DIS3L2: variants seen among roughly 807,000 people sequenced by gnomAD.
DIS3L2 encodes the protein DIS3-like exonuclease 2.
In DIS3L2, 34 loss-of-function variants were observed where a neutral mutation model predicts 97.5. That is an observed-to-expected ratio of 0.35 (90% CI 0.27 to 0.46). DIS3L2 has a LOEUF of 0.46. Ranked by LOEUF, DIS3L2 falls within the 20% of genes least tolerant of loss-of-function variation. The pLI is 1.00. For synonymous variants in DIS3L2, 435 were observed against 445.2 expected (o/e 0.98, Z 0.29); for missense variants, 1,038 against 1,146.0 (o/e 0.91, Z 1.36).
At chr2:232,157,694 G>A (rs998620814) in intron 8 of DIS3L2, among the ~76,000 whole-genome samples, 2 of 152,144 alleles carry the variant, frequency 1.3e-5, no homozygotes, top group South Asian at 4.1e-4. Flanking sequence ...TGAAGTAGTT[G>A]GGGGTCCTCC....
intron 11 of DIS3L2, among the ~76,000 whole-genome samples, chr2:232,239,373 C>T (rs1321836386): frequency 6.6e-6 from 1 of 152,198 alleles, no homozygotes; most frequent in East Asian, 1.9e-4. Context: ...CTGCAGTAGG[C>T]CTCAGAGAAA....
intron 3 of DIS3L2, among the ~76,000 whole-genome samples, chr2:232,016,957 CACCTTTCTTT>C (rs997060169): frequency 1.5e-5 from 2 of 132,358 alleles, no homozygotes; most frequent in Non-Finnish European, 3.1e-5. Flanking sequence ...TTCCTTCCTT[CACCTTTCTTT>C]ACCTTTCTGT....
Position 232,005,527 on chromosome 2 carries a change from G to T in DIS3L2, c.-93-9308G>T, listed in dbSNP as rs572006843. 2.8e-3 allele frequency among the ~76,000 whole-genome samples: 423 copies of T among 152,228 alleles called. 1 individual carries two copies. The highest frequency in any genetic ancestry group is 4.6e-3 in the Non-Finnish European group (313 of 68,016). On this transcript the variant is annotated intron_variant, in intron 1 of 20. Transcript: ENST00000325385. ...CCTGCATTGCACCAACCCTGTGATGGTGGCCTGCCCTTGGGACAAAACTTC... is the reference window on the plus strand; with the variant it reads ...CCTGCATTGCACCAACCCTGTGATGTTGGCCTGCCCTTGGGACAAAACTTC...
chr2:232,205,006 T>C (rs781497868), intron 9 of DIS3L2, among the ~76,000 whole-genome samples: 1 of 152,096 alleles, frequency 6.6e-6, no homozygotes, highest in Non-Finnish European at 1.5e-5. Context: ...AGAGGAAGCT[T>C]GGAGTCTGCT....
intron 5 of DIS3L2, among the ~76,000 whole-genome samples, chr2:232,047,039 G>A (rs760248125): frequency 1.3e-3 from 197 of 152,124 alleles, no homozygotes; most frequent in Non-Finnish European, 2.5e-3. Context: ...TCTGGAAGGG[G>A]ATTACCTGTT....
At chr2:232,261,425 C>G (rs999838557) in intron 12 of DIS3L2, among the ~76,000 whole-genome samples, 2 of 152,196 alleles carry the variant, frequency 1.3e-5, no homozygotes, top group Non-Finnish European at 2.9e-5. Flanking sequence ...ACACTGGTTG[C>G]ATTGCCTCCG....
intron 6 of DIS3L2, among the ~76,000 whole-genome samples, chr2:232,110,258 G>T (rs547370362): frequency 1.3e-5 from 2 of 152,200 alleles, no homozygotes; most frequent in African/African-American, 4.8e-5. Context: ...GTGTAAATTA[G>T]TTCAATCATT....
At chr2:232,134,619 G>A (rs193079212) in intron 7 of DIS3L2, among the ~76,000 whole-genome samples, 54 of 152,296 alleles carry the variant, frequency 3.5e-4, no homozygotes, top group African/African-American at 1.3e-3. Flanking sequence ...AAGATCAGGA[G>A]TTTGAGACCA....
intron 1 of DIS3L2, among the ~76,000 whole-genome samples, chr2:231,989,990 G>T (rs1003300355): frequency 6.6e-6 from 1 of 152,206 alleles, no homozygotes; most frequent in Admixed American, 6.5e-5. Context: ...AGTTACTTCA[G>T]GAGAGAGAAT....
At chr2:232,301,476 C>T (rs893410581) in intron 14 of DIS3L2, among the ~76,000 whole-genome samples, 5 of 152,180 alleles carry the variant, frequency 3.3e-5, no homozygotes, top group Admixed American at 3.3e-4. Context: ...GAAGAGAAAC[C>T]TGGGCCTTCC....
chr2:232,030,055 A>C lies in DIS3L2; in HGVS notation c.341A>C (p.Lys114Thr), dbSNP rs1452182864. 2.5e-6 allele frequency: 4 copies of C among 1,611,568 alleles called. No homozygotes were observed. Among genetic ancestry groups the C allele is most frequent in the Non-Finnish European group, 3.4e-6 (4 of 1,179,096 alleles). The change falls in exon 5 of 21, where the codon AAA becomes ACA. Residue 114 changes from lysine to threonine, a missense_variant. By Grantham distance (78) the Lys-to-Thr change is moderately conservative (BLOSUM62 -1). Around this residue, in one of 3 missense-constraint regions of DIS3L2, gnomAD observed 813 missense variants for 880.1 expected, o/e 0.92. Transcript: ENST00000325385. ...TTAAATGGGGATCTGGTGGTCGTGAAACTGCTTCCCGAGGAGCATTGGAAG... is the reference window on the plus strand; with the variant it reads ...TTAAATGGGGATCTGGTGGTCGTGACACTGCTTCCCGAGGAGCATTGGAAG... ...RALNGDLVVVKLLPEEHWKVV... is the reference protein window; with the variant it reads ...RALNGDLVVVTLLPEEHWKVV...
intron 5 of DIS3L2, among the ~76,000 whole-genome samples, chr2:232,045,860 A>G (rs1326398989): frequency 6.6e-6 from 1 of 151,810 alleles, no homozygotes; most frequent in African/African-American, 2.4e-5. Flanking sequence ...TTTTTAGTAG[A>G]GGTGGGGTTT....
chr2:232,208,985 A>G (rs1692110714), intron 9 of DIS3L2, among the ~76,000 whole-genome samples: 1 of 152,196 alleles, frequency 6.6e-6, no homozygotes, highest in Admixed American at 6.5e-5. Context: ...CCATACAAAA[A>G]AAAAGGTTAT....
rs572749967 is a variant in DIS3L2, at chr2:232,146,448, G to A, written c.950+9729G>A. ...GAGAAAATATTATCTCATATAGTGG[G>A]AATTCAAAGGTTGTGCAGCTGCAGA... On this transcript the variant is annotated intron_variant, in intron 8 of 20. Coordinates refer to ENST00000325385, the MANE Select transcript of DIS3L2 (RefSeq NM_152383.5). Among the ~76,000 whole-genome samples, 12 of 152,264 alleles carry A rather than the reference G, an allele frequency of 7.9e-5. No individual in the cohort carries two copies. In the South Asian group the frequency reaches 2.3e-3, roughly 29 times the overall value.
At position 232,276,446 on chromosome 2, in the gene DIS3L2, C is replaced by T. The variant is rs1694141747; in HGVS notation, c.1659+13006C>T. ...GAGCAGAGCTCCTATCTTTCCTGGA[C>T]CCTCCTGGCTGCCTAGTTTCCTGGC... On this transcript the variant is annotated intron_variant, in intron 13 of 20. Transcript: ENST00000325385. This position sits in a 1 kb window ranked among gnomAD's most constrained non-coding sequence, Gnocchi z 4.4. Among the ~76,000 whole-genome samples, 1 of 150,006 alleles carries T rather than the reference C, an allele frequency of 6.7e-6. No individual in the cohort carries two copies.
At chr2:232,016,964 CTTTACCTTTCTGTATTTATCTGTGG>C (rs1339047645) in intron 3 of DIS3L2, among the ~76,000 whole-genome samples, 3 of 129,198 alleles carry the variant, frequency 2.3e-5, no homozygotes, top group Non-Finnish European at 4.7e-5. Context: ...CTTCACCTTT[CTTTACCTTTCTGTATTTATCTGTGG>C]TCAAGTGCAC....
intron 5 of DIS3L2, among the ~76,000 whole-genome samples, chr2:232,046,940 C>T (rs1695259826): frequency 6.6e-6 from 1 of 152,164 alleles, no homozygotes; most frequent in African/African-American, 2.4e-5. Context: ...GCATGAGCCA[C>T]CATGCCCAGC....
rs78954050 is a variant in DIS3L2, at chr2:231,975,112, A to G, written c.-94+13347A>G. On this transcript the variant is annotated intron_variant, in intron 1 of 20. Coordinates refer to ENST00000325385, the MANE Select transcript of DIS3L2 (RefSeq NM_152383.5). Reference sequence around the variant, plus strand: ...TCAATTAAGGTTAGTTTTAGTAAAGATCTTAGAATCTCAGATGGGACTTTT... The same window carrying G: ...TCAATTAAGGTTAGTTTTAGTAAAGGTCTTAGAATCTCAGATGGGACTTTT... 2.8e-3 allele frequency among the ~76,000 whole-genome samples: 427 copies of G among 152,250 alleles called. 1 individual carries two copies. The highest frequency in any genetic ancestry group is 4.7e-3 in the Non-Finnish European group (317 of 68,022).
chr2:232,207,984 AAATT>A (rs570496948), intron 9 of DIS3L2, among the ~76,000 whole-genome samples: 210 of 152,304 alleles, frequency 1.4e-3, no homozygotes, highest in Admixed American at 2.5e-3. Flanking sequence ...AAAGGGAAAA[AAATT>A]AATCCATAAA....
Sources: gnomAD v4.1 joint callset for allele counts (sites outside exome capture counted in the v4.1 genomes callset) on GRCh38, gnomAD v4.1.1 for gene constraint, gnomAD v4.1.1 regional missense constraint, Gnocchi (gnomAD v3.1) non-coding constraint, MANE v1.5 for transcripts, NCBI Gene and HGNC (gene_info 2026-07-23, HGNC 2026-07-21) for gene names.